RALYL: variants seen among roughly 807,000 people sequenced by gnomAD.
The protein encoded by RALYL is RNA-binding Raly-like protein.
Under a neutral mutation model 35.1 loss-of-function variants are expected in RALYL, and 29 were observed. The observed-to-expected ratio is 0.83, with a 90% CI of 0.61 to 1.13. The LOEUF is 1.13. Among genes scored for constraint, RALYL ranks in the 50% most tolerant of loss-of-function variants. RALYL has a pLI of 0.00. For synonymous variants in RALYL, 120 were observed against 127.6 expected (o/e 0.94, Z 0.40); for missense variants, 359 against 360.4 (o/e 1.00, Z 0.03).
At chr8:84,476,765 C>T (rs2053471124) in intron 1 of RALYL, among the ~76,000 whole-genome samples, 2 of 152,124 alleles carry the variant, frequency 1.3e-5, no homozygotes, top group African/African-American at 4.8e-5. Context: ...AAATGTTGGT[C>T]CTATGCAGTG....
intron 2 of RALYL, among the ~76,000 whole-genome samples, chr8:84,773,804 T>C (rs540665203): frequency 2.5e-4 from 38 of 152,324 alleles, no homozygotes; most frequent in African/African-American, 8.9e-4. Context: ...AAATATATCA[T>C]AGGAAATTTA....
At chr8:84,326,422 T>C (rs1159968919) in intron 1 of RALYL, among the ~76,000 whole-genome samples, 11 of 152,206 alleles carry the variant, frequency 7.2e-5, no homozygotes, top group Non-Finnish European at 1.3e-4. Flanking sequence ...GAGATAAAAT[T>C]AGAGTATTTT....
chr8:84,732,011 T>G (rs977509358), intron 2 of RALYL, among the ~76,000 whole-genome samples: 1 of 152,162 alleles, frequency 6.6e-6, no homozygotes, highest in Non-Finnish European at 1.5e-5. Context: ...CGTTTGTCCT[T>G]CAGACCTCAG....
intron 2 of RALYL, among the ~76,000 whole-genome samples, chr8:84,562,001 T>C (rs1049328030): frequency 6.6e-6 from 1 of 152,034 alleles, no homozygotes; most frequent in African/African-American, 2.4e-5. Context: ...TTCTTTGATT[T>C]CAGTATATAA....
At chr8:84,549,310 CA>C (rs1210226349) in intron 2 of RALYL, among the ~76,000 whole-genome samples, 1 of 152,138 alleles carries the variant, frequency 6.6e-6, no homozygotes, top group African/African-American at 2.4e-5. Flanking sequence ...GAGCTAGAAA[CA>C]AAACAGAGGA....
intron 1 of RALYL, among the ~76,000 whole-genome samples, chr8:84,308,292 G>A (rs536843419): frequency 6.6e-6 from 1 of 152,208 alleles, no homozygotes; most frequent in African/African-American, 2.4e-5. Context: ...CCTCTGTGAA[G>A]CACATACCAG....
At chr8:84,343,888 GTT>G (rs35985007) in intron 1 of RALYL, among the ~76,000 whole-genome samples, 3,067 of 148,274 alleles carry the variant, frequency 0.021, 116 homozygotes, top group African/African-American at 0.071. Flanking sequence ...TTGTTTGTTT[GTT>G]TTTTTTTTTA....
chr8:84,286,416 A>G (rs1315044403), intron 1 of RALYL, among the ~76,000 whole-genome samples: 1 of 152,208 alleles, frequency 6.6e-6, no homozygotes, highest in Non-Finnish European at 1.5e-5. Context: ...ATATATGCAA[A>G]GAGCTATCAT....
At chr8:84,190,760 C>T (rs929212684) in intron 1 of RALYL, among the ~76,000 whole-genome samples, 15 of 152,076 alleles carry the variant, frequency 9.9e-5, no homozygotes, top group Non-Finnish European at 1.6e-4. Flanking sequence ...AAATTCAGGT[C>T]TAGAGCTGGG....
chr8:84,894,095 C>G lies in RALYL; in HGVS notation c.858+6319C>G, dbSNP rs368074154. ...TTGAAGACAACTGAAAGTAAACATT[C>G]TGGTACACCATTGAAAAACTGGAAT... On this transcript the variant is annotated intron_variant, in intron 8 of 8. Transcript: ENST00000521268. Among the ~76,000 whole-genome samples the G allele has an allele frequency of 1.1e-4, 17 of 152,252 alleles. No homozygotes were observed. In the East Asian group the frequency reaches 2.9e-3, roughly 26 times the overall value.
At chr8:84,479,044 C>A (rs1386874860) in intron 1 of RALYL, among the ~76,000 whole-genome samples, 1 of 122,438 alleles carries the variant, frequency 8.2e-6, no homozygotes, top group Non-Finnish European at 1.6e-5. Flanking sequence ...CGAGATTGCA[C>A]CACTGCACTC....
chr8:84,215,892 A>C (rs10111779), intron 1 of RALYL, among the ~76,000 whole-genome samples: 44,918 of 151,830 alleles, frequency 0.3, 7,270 homozygotes, highest in African/African-American at 0.43. Context: ...AAAAAGGGAT[A>C]AAATAAAATG....
rs764784647 is a variant in RALYL at position 84,360,961 on chromosome 8, AG to A, written c.-23-168337del. ...TTCAACAACTTTTCAAATGCAGTAA[AG>A]AAAAAAAAAAAAAAAGAAAAATAAG... On this transcript the variant is annotated intron_variant, in intron 1 of 8. Transcript: ENST00000521268. Among the ~76,000 whole-genome samples, 493 of 146,002 alleles carry A rather than the reference AG, an allele frequency of 3.4e-3. 2 individuals carry two copies. The highest frequency in any genetic ancestry group is 5.3e-3 in the Non-Finnish European group (352 of 66,486).
At chr8:84,778,404 A>G (rs1444557907) in intron 3 of RALYL, among the ~76,000 whole-genome samples, 1 of 152,230 alleles carries the variant, frequency 6.6e-6, no homozygotes, top group Non-Finnish European at 1.5e-5. Flanking sequence ...AACATGGTAT[A>G]CATAGAAAAT....
chr8:84,330,825 T>G (rs1846669068), intron 1 of RALYL, among the ~76,000 whole-genome samples: 1 of 152,068 alleles, frequency 6.6e-6, no homozygotes, highest in Admixed American at 6.6e-5. Context: ...TAATCAAAAT[T>G]TTAGAAATGT....
intron 1 of RALYL, among the ~76,000 whole-genome samples, chr8:84,191,109 C>T (rs1813742214): frequency 1.3e-5 from 2 of 151,132 alleles, no homozygotes; most frequent in African/African-American, 2.4e-5. Flanking sequence ...GATTGATGAT[C>T]CTCAATATGA....
At chr8:84,707,354 A>G (rs1484840432) in intron 2 of RALYL, among the ~76,000 whole-genome samples, 1 of 152,198 alleles carries the variant, frequency 6.6e-6, no homozygotes, top group Non-Finnish European at 1.5e-5. Context: ...TCTTACAAGA[A>G]TGAATCTAAA....
chr8:84,585,200 G>C (rs1811719564), intron 2 of RALYL, among the ~76,000 whole-genome samples: 1 of 152,010 alleles, frequency 6.6e-6, no homozygotes, highest in Non-Finnish European at 1.5e-5. Context: ...GTCAGGTATT[G>C]ATCTATATGC....
intron 1 of RALYL, among the ~76,000 whole-genome samples, chr8:84,452,335 TTTTTTGCTTG>T (rs2049583891): frequency 1.3e-5 from 2 of 151,856 alleles, no homozygotes; most frequent in African/African-American, 4.8e-5. Context: ...AATTCATTCT[TTTTTTGCTTG>T]TTTTAATACT....
Sources: gnomAD v4.1 joint callset for allele counts (sites outside exome capture counted in the v4.1 genomes callset) on GRCh38, gnomAD v4.1.1 for gene constraint, MANE v1.5 for transcripts, NCBI Gene and HGNC (gene_info 2026-07-23, HGNC 2026-07-21) for gene names.